FRRS1: variants seen among roughly 807,000 people sequenced by gnomAD.
FRRS1 encodes ferric reductase 1.
A neutral mutation model predicts 70.7 loss-of-function variants in FRRS1; 51 were observed. The ratio of observed to expected loss-of-function variants is 0.72; its 90% confidence interval spans 0.58 to 0.91. The LOEUF (loss-of-function observed/expected upper bound fraction) is 0.91. FRRS1 is among the 40% of genes least tolerant of loss of function. The probability of loss-of-function intolerance (pLI) is 0.00; values close to 1 mark genes in which losing one functional copy is unlikely to be tolerated. For synonymous variants in FRRS1, 225 were observed against 238.7 expected (o/e 0.94, Z 0.53); for missense variants, 672 against 726.0 (o/e 0.93, Z 0.86).
intron 1 of FRRS1, among the ~76,000 whole-genome samples, chr1:99,751,997 T>C (rs1656591187): frequency 6.6e-6 from 1 of 152,220 alleles, no homozygotes; most frequent in African/African-American, 2.4e-5. Context: ...GATGGTGAGA[T>C]AGAGCAGGGA....
chr1:99,742,352 TA>T, intron 4 of FRRS1, 79 bp from the exon 5 acceptor site: 1 of 849,508 alleles, frequency 1.2e-6, no homozygotes, highest in Admixed American at 1.8e-5. Context: ...TTTTGCGAAG[TA>T]ATTTATCATT....
intron 11 of FRRS1, 80 bp downstream of exon 11, chr1:99,717,330 T>TACACAC (rs1654579670): frequency 4.2e-6 from 4 of 944,628 alleles, no homozygotes; most frequent in Middle Eastern, 2.1e-4. Context: ...CGCATACACA[T>TACACAC]ACACACATAC....
intron 1 of FRRS1, among the ~76,000 whole-genome samples, chr1:99,760,736 G>A (rs1407905864): frequency 6.6e-6 from 1 of 151,946 alleles, no homozygotes; most frequent in African/African-American, 2.4e-5. Context: ...TGCAACCTCC[G>A]CTTCCTGGGT....
At chr1:99,726,885 T>C (rs1434892134) in intron 9 of FRRS1, among the ~76,000 whole-genome samples, 1 of 152,144 alleles carries the variant, frequency 6.6e-6, no homozygotes, top group Non-Finnish European at 1.5e-5. Context: ...TTCTATTTTT[T>C]TGTTGTTGTT....
At chr1:99,749,212 T>A (rs574709359) in intron 1 of FRRS1, among the ~76,000 whole-genome samples, 2 of 152,258 alleles carry the variant, frequency 1.3e-5, no homozygotes, top group South Asian at 4.1e-4. Flanking sequence ...ATTTTTGTAT[T>A]TTGGTAGAGA....
In FRRS1 at chr1:99,707,619, A is replaced by G. The variant is rs1654068181; in HGVS notation, c.*1409T>C. Among the ~76,000 whole-genome samples, 1 of 152,228 alleles carries G rather than the reference A, an allele frequency of 6.6e-6. No homozygotes were observed. The highest frequency in any genetic ancestry group is 1.5e-5 in the Non-Finnish European group (1 of 68,034). On this transcript the variant is annotated 3_prime_UTR_variant, in exon 17 of 17. Transcript: ENST00000646001. ...CAAAAAAAGTAGCCATTTTTAAAATAAAGATTAAGAGTTGGTGGAATTTAA... is the reference window on the plus strand; with the variant it reads ...CAAAAAAAGTAGCCATTTTTAAAATGAAGATTAAGAGTTGGTGGAATTTAA...
At position 99,761,896 on chromosome 1, in the gene FRRS1, T is replaced by C. The variant is rs1493621; in HGVS notation, c.-106+4711A>G. 6.9e-3 allele frequency among the ~76,000 whole-genome samples: 1,057 copies of C among 152,292 alleles called. 17 individuals are homozygous for C. Among genetic ancestry groups the C allele is most frequent in the African/African-American group, 0.024 (1,010 of 41,556 alleles). ...GAAATAATAGTAGAAGAGTTAACAA[T>C]TACTAAGGGCTTACAACACATCATG... On this transcript the variant is annotated intron_variant, in intron 1 of 16. Transcript: ENST00000646001.
chr1:99,736,348 A>G (rs1187615992), intron 7 of FRRS1, among the ~76,000 whole-genome samples: 1 of 152,136 alleles, frequency 6.6e-6, no homozygotes, highest in African/African-American at 2.4e-5. Context: ...TATTTCTTAT[A>G]TGTTATTTTT....
chr1:99,724,859 T>C (rs866960661), intron 9 of FRRS1, among the ~76,000 whole-genome samples: 1 of 151,912 alleles, frequency 6.6e-6, no homozygotes, highest in African/African-American at 2.4e-5. Context: ...GATTCATGTT[T>C]ATTGGATTAT....
intron 10 of FRRS1, 120 bp downstream of exon 10, chr1:99,719,407 CAAAAAAA>C: frequency 7.7e-6 from 3 of 388,410 alleles, no homozygotes; most frequent in East Asian, 5.2e-5. Flanking sequence ...GACTCCATCT[CAAAAAAA>C]AAAAAAAAAA....
chr1:99,712,000 T>C, intron 14 of FRRS1, 105 bp downstream of exon 14: 1 of 724,356 alleles, frequency 1.4e-6, no homozygotes, highest in South Asian at 1.9e-5. Context: ...CAACAACCAA[T>C]TACTCCAATT....
At chr1:99,740,276 G>C (rs1655887440) in intron 6 of FRRS1, among the ~76,000 whole-genome samples, 1 of 152,188 alleles carries the variant, frequency 6.6e-6, no homozygotes, top group African/African-American at 2.4e-5. Flanking sequence ...TCCACCACCA[G>C]TAAAGACTAC....
In FRRS1 at chr1:99,704,067, G is replaced by A. The variant is rs1329080978; in HGVS notation, c.*4961C>T. Among the ~76,000 whole-genome samples the A allele has an allele frequency of 6.6e-6, 1 of 152,062 alleles. No individual in the cohort carries two copies. The highest frequency in any genetic ancestry group is 2.4e-5 in the African/African-American group (1 of 41,384). On this transcript the variant is annotated 3_prime_UTR_variant, in exon 17 of 17. Transcript: ENST00000646001. The stretch of plus-strand genomic sequence containing the variant: ...ACATTTTACATGCAAAATTTATTAA[G>A]TTTAACACTGCAATCAAATGGCAAA...
In FRRS1 at chr1:99,740,807, G is replaced by C. The variant is rs368745082; in HGVS notation, c.562C>G (p.His188Asp). 115 of 1,610,086 alleles carry C rather than the reference G, an allele frequency of 7.1e-5. No homozygotes were observed. Among genetic ancestry groups the C allele is most frequent in the Non-Finnish European group, 9.4e-5 (111 of 1,176,452 alleles). The change falls in exon 6 of 17, where the codon CAC (histidine) becomes GAC (aspartate). Residue 188 changes from histidine (H) to aspartate (D), a missense_variant. Transcript: ENST00000646001. ...TTGTTACTTACTGGTTTGGTTAAGT[G>C]GGAAACGGGAGGTAACGTTGGCAAA... ...VPLPTLPPVS[H>D]LTKPFSASDC...
chr1:99,758,651 G>A (rs903391721), intron 1 of FRRS1, among the ~76,000 whole-genome samples: 2 of 152,054 alleles, frequency 1.3e-5, no homozygotes, highest in Non-Finnish European at 2.9e-5. Flanking sequence ...CCTTGAAAAA[G>A]AACAGAATAA....
intron 1 of FRRS1, among the ~76,000 whole-genome samples, chr1:99,763,318 T>A (rs1309243373): frequency 6.6e-6 from 1 of 152,044 alleles, no homozygotes; most frequent in African/African-American, 2.4e-5. Context: ...TTCCTGTCCA[T>A]ATAAAAATAA....
intron 7 of FRRS1, among the ~76,000 whole-genome samples, chr1:99,730,608 C>T (rs187502119): frequency 2.6e-5 from 4 of 152,292 alleles, no homozygotes; most frequent in Admixed American, 1.3e-4. Flanking sequence ...TGGCTCACGC[C>T]TGTAGTCCCA....
chr1:99,714,306 C>T (rs767779954), intron 12 of FRRS1, among the ~76,000 whole-genome samples: 3 of 151,974 alleles, frequency 2.0e-5, no homozygotes, highest in Admixed American at 6.5e-5. Flanking sequence ...TCCTCAGCCT[C>T]CTGAGTAGCT....
intron 7 of FRRS1, among the ~76,000 whole-genome samples, chr1:99,736,116 C>T (rs1420272718): frequency 6.6e-6 from 1 of 152,174 alleles, no homozygotes; most frequent in Non-Finnish European, 1.5e-5. Flanking sequence ...CACCACCTAT[C>T]ATTATTGCTT....
Sources: gnomAD v4.1 joint callset for allele counts (sites outside exome capture counted in the v4.1 genomes callset) on GRCh38, gnomAD v4.1.1 for gene constraint, MANE v1.5 for transcripts, NCBI Gene and HGNC (gene_info 2026-07-23, HGNC 2026-07-21) for gene names.